The following DGKI variants were observed in gnomAD, a reference collection of about 807,000 sequenced individuals.
The protein encoded by DGKI is DAG kinase iota.
A neutral mutation model predicts 147.5 loss-of-function variants in DGKI; 55 were observed. That is an observed-to-expected ratio of 0.37 (90% CI 0.30 to 0.47). The LOEUF (loss-of-function observed/expected upper bound fraction) is 0.47, where lower values mean the gene tolerates loss of function less well. Among genes scored for constraint, DGKI ranks in the 20% least tolerant of loss-of-function variants. DGKI has a pLI of 1.00. For synonymous variants in DGKI, 469 were observed against 477.1 expected, an observed-to-expected ratio of 0.98 and a Z score of 0.22; for missense variants, 1,007 against 1,323.8, an observed-to-expected ratio of 0.76 and a Z score of 3.71.
chr7:137,579,319 G>C (rs1819098202), intron 15 of DGKI, among the ~76,000 whole-genome samples: 1 of 151,580 alleles, frequency 6.6e-6, no homozygotes, highest in Non-Finnish European at 1.5e-5. Context: ...AAATAAGTAA[G>C]CTTGCCACAA....
At chr7:137,783,909 T>C (rs1796593074) in intron 1 of DGKI, among the ~76,000 whole-genome samples, 1 of 152,204 alleles carries the variant, frequency 6.6e-6, no homozygotes. Flanking sequence ...ATACAGTCTT[T>C]TCCAGACAAA....
intron 1 of DGKI, among the ~76,000 whole-genome samples, chr7:137,764,218 ACCCTGGG>A (rs1795941780): frequency 6.6e-6 from 1 of 150,872 alleles, no homozygotes; most frequent in Admixed American, 6.6e-5. Flanking sequence ...CCAGGGTGGC[ACCCTGGG>A]AAGCTGTGTT....
intron 1 of DGKI, among the ~76,000 whole-genome samples, chr7:137,767,430 T>C (rs1271359829): frequency 7.1e-6 from 1 of 141,296 alleles, no homozygotes; most frequent in African/African-American, 2.7e-5. Flanking sequence ...ATTCAGGACA[T>C]ACAACTTCCA....
intron 13 of DGKI, among the ~76,000 whole-genome samples, chr7:137,586,785 G>C (rs982922037): frequency 6.6e-6 from 1 of 152,168 alleles, no homozygotes; most frequent in Non-Finnish European, 1.5e-5. Context: ...AAGTCTGTAT[G>C]ATCCTTTTGC....
At chr7:137,727,166 C>G (rs1358193964) in intron 1 of DGKI, among the ~76,000 whole-genome samples, 1 of 151,874 alleles carries the variant, frequency 6.6e-6, no homozygotes, top group Admixed American at 6.6e-5. Flanking sequence ...TATGAATAAT[C>G]AGATATCTAA....
chr7:137,805,030 A>T (rs769086168), intron 1 of DGKI, among the ~76,000 whole-genome samples: 17 of 152,238 alleles, frequency 1.1e-4, no homozygotes, highest in Non-Finnish European at 8.8e-5. Context: ...CTACTTGTTT[A>T]TACATCCCTG....
intron 1 of DGKI, among the ~76,000 whole-genome samples, chr7:137,792,561 CATTTTTCTA>C (rs933562169): frequency 3.3e-5 from 5 of 152,202 alleles, no homozygotes; most frequent in Non-Finnish European, 5.9e-5. Flanking sequence ...ATGTGCCAGG[CATTTTTCTA>C]GGCAACTAGT....
intron 1 of DGKI, among the ~76,000 whole-genome samples, chr7:137,727,540 C>A (rs551621583): frequency 5.4e-4 from 82 of 152,246 alleles, no homozygotes; most frequent in African/African-American, 1.8e-3. Context: ...AATTTTTCTC[C>A]ATCCCCTCTG....
In DGKI at chr7:137,517,272, GA is replaced by G. The variant is rs780061526; in HGVS notation, c.2248+4593del. Among the ~76,000 whole-genome samples, 452 of 76,028 alleles carry G rather than the reference GA, an allele frequency of 5.9e-3. 5 individuals are homozygous for G. Among genetic ancestry groups the G allele is most frequent in the African/African-American group, 0.022 (325 of 14,806 alleles). The allele number at this position is 76,028 out of a possible 152,430, so 49.9% of individuals were successfully genotyped here. A position where few individuals can be genotyped will look rare whatever the true frequency, so the allele number is the denominator to read the frequency against. Reference sequence around the variant, plus strand: ...AAAGAAAAAGAAAGAAAGAAAGAAAGAAAAGAAAAAGAAAGAAAGAAAGAAA... The same window carrying G: ...AAAGAAAAAGAAAGAAAGAAAGAAAGAAAGAAAAAGAAAGAAAGAAAGAAA... On this transcript the variant is annotated intron_variant, in intron 21 of 32. Coordinates refer to ENST00000614521, the MANE Select transcript of DGKI (RefSeq NM_001321708.2).
intron 30 of DGKI, among the ~76,000 whole-genome samples, chr7:137,405,716 C>T (rs1269952729): frequency 6.6e-6 from 1 of 152,138 alleles, no homozygotes; most frequent in African/African-American, 2.4e-5. Flanking sequence ...CATCTGGGAG[C>T]TTCCACTCTC....
chr7:137,396,628 C>T (rs2128894157), intron 31 of DGKI, among the ~76,000 whole-genome samples: 1 of 152,272 alleles, frequency 6.6e-6, no homozygotes, highest in Middle Eastern at 3.4e-3. Flanking sequence ...TCTTCGTCCT[C>T]CATTCTATTC....
chr7:137,397,733 G>T (rs114934328), intron 30 of DGKI, among the ~76,000 whole-genome samples: 2,328 of 152,306 alleles, frequency 0.015, 57 homozygotes, highest in African/African-American at 0.054. Context: ...GGAGAAAGGG[G>T]AAGATTAGGT....
intron 8 of DGKI, among the ~76,000 whole-genome samples, chr7:137,612,221 CTTTTTTTTTTT>C (rs551204704): frequency 8.8e-6 from 1 of 113,958 alleles, no homozygotes; most frequent in African/African-American, 3.5e-5. Context: ...ACAAAACGGG[CTTTTTTTTTTT>C]TTTTTTTTTT....
chr7:137,831,070 A>T (rs1175086585), intron 1 of DGKI, among the ~76,000 whole-genome samples: 1 of 152,210 alleles, frequency 6.6e-6, no homozygotes, highest in Non-Finnish European at 1.5e-5. Context: ...TAATATATTC[A>T]TTTTTCCTAT....
intron 17 of DGKI, among the ~76,000 whole-genome samples, chr7:137,576,748 G>C (rs553096039): frequency 1.3e-5 from 2 of 152,096 alleles, no homozygotes; most frequent in African/African-American, 4.8e-5. Flanking sequence ...TCAACACTTC[G>C]TTCTAAAATG....
At chr7:137,656,416 G>A (rs755113769) in intron 4 of DGKI, 50 bp downstream of exon 4, 2 of 1,595,818 alleles carry the variant, frequency 1.3e-6, no homozygotes, top group Non-Finnish European at 8.6e-7. Context: ...GGCCTCTGAA[G>A]ACCAAATACT....
At chr7:137,779,446 A>G (rs1008532620) in intron 1 of DGKI, among the ~76,000 whole-genome samples, 15 of 152,198 alleles carry the variant, frequency 9.9e-5, no homozygotes, top group Non-Finnish European at 2.1e-4. Context: ...ATTTCTCAGA[A>G]GGACATAGAA....
chr7:137,548,537 T>C (rs768404617), intron 20 of DGKI, among the ~76,000 whole-genome samples: 12 of 152,270 alleles, frequency 7.9e-5, no homozygotes, highest in Non-Finnish European at 1.5e-4. Flanking sequence ...TCCCACCATA[T>C]GATATGCCAG....
At chr7:137,571,941 G>C (rs1818807787) in intron 18 of DGKI, among the ~76,000 whole-genome samples, 1 of 152,182 alleles carries the variant, frequency 6.6e-6, no homozygotes, top group African/African-American at 2.4e-5. Flanking sequence ...AATGCTTTCT[G>C]AGAATCAAGG....
Sources: gnomAD v4.1 joint callset for allele counts (sites outside exome capture counted in the v4.1 genomes callset) on GRCh38, gnomAD v4.1.1 for gene constraint, MANE v1.5 for transcripts, NCBI Gene and HGNC (gene_info 2026-07-23, HGNC 2026-07-21) for gene names.